Variants in ENPP3 observed in about 807,000 individuals in gnomAD.
ENPP3 encodes ectonucleotide pyrophosphatase/phosphodiesterase family member 3.
In ENPP3, 104 loss-of-function variants were observed where a neutral mutation model predicts 117.8. The ratio of observed to expected loss-of-function variants is 0.88; its 90% confidence interval spans 0.75 to 1.04. The LOEUF (loss-of-function observed/expected upper bound fraction) is 1.04, where lower values mean the gene tolerates loss of function less well. Ranked by LOEUF, ENPP3 falls within the 50% of genes least tolerant of loss-of-function variation. The pLI is 0.00. For synonymous variants in ENPP3, 380 were observed against 349.9 expected (o/e 1.09, Z -0.96); for missense variants, 1,026 against 1,051.9 (o/e 0.98, Z 0.34).
At chr6:131,669,669 A>G (rs1778697787) in intron 6 of ENPP3, among the ~76,000 whole-genome samples, 2 of 148,760 alleles carry the variant, frequency 1.3e-5, no homozygotes, top group African/African-American at 5.0e-5. Context: ...AAAAAAAAAA[A>G]AAAAAAAAAA....
At chr6:131,693,732 A>G in intron 15 of ENPP3, 108 bp downstream of exon 15, 1 of 1,164,694 alleles carries the variant, frequency 8.6e-7, no homozygotes, top group Non-Finnish European at 1.2e-6. Context: ...TTTCCTGAGC[A>G]TTGACATTTT....
intron 21 of ENPP3, 74 bp downstream of exon 21, chr6:131,733,797 A>G: frequency 6.7e-7 from 1 of 1,483,108 alleles, no homozygotes; most frequent in Non-Finnish European, 9.3e-7. Flanking sequence ...TGCCTTAAAC[A>G]TATACTCCCC....
intron 15 of ENPP3, among the ~76,000 whole-genome samples, chr6:131,705,929 G>A (rs1215523756): frequency 1.5e-5 from 2 of 136,452 alleles, no homozygotes; most frequent in Non-Finnish European, 3.0e-5. Context: ...TGGGATTGCT[G>A]CTGTAAACAA....
At chr6:131,650,181 G>A (rs779998175) in intron 3 of ENPP3, 32 bp downstream of exon 3, 1 of 1,612,206 alleles carries the variant, frequency 6.2e-7, no homozygotes. Context: ...TTATTAGCAT[G>A]TTGCTTGTGT....
intron 14 of ENPP3, among the ~76,000 whole-genome samples, chr6:131,690,598 G>A (rs988652436): frequency 2.0e-5 from 3 of 152,180 alleles, no homozygotes; most frequent in Admixed American, 1.3e-4. Context: ...GTCTGGAAGT[G>A]AGTTCAAAAT....
At chr6:131,709,808 C>T (rs765562745) in intron 15 of ENPP3, 9 of 1,611,922 alleles carry the variant, frequency 5.6e-6, no homozygotes, top group Admixed American at 3.3e-5. Flanking sequence ...TTTTCCTCCA[C>T]TGTTAATTTC....
chr6:131,679,833 T>C (rs2114407635), intron 11 of ENPP3, among the ~76,000 whole-genome samples: 1 of 152,246 alleles, frequency 6.6e-6, no homozygotes, highest in Admixed American at 6.5e-5. Flanking sequence ...ATGGTAAGAA[T>C]AATAGTAGCA....
chr6:131,641,344 C>A, intron 1 of ENPP3, 111 bp from the exon 2 acceptor site: 2 of 588,338 alleles, frequency 3.4e-6, no homozygotes, highest in Admixed American at 2.4e-5. Flanking sequence ...TGGTATCTGG[C>A]ATAACTAGTA....
chr6:131,640,666 A>C (rs932467343), intron 1 of ENPP3, among the ~76,000 whole-genome samples: 10 of 152,222 alleles, frequency 6.6e-5, no homozygotes, highest in Non-Finnish European at 7.3e-5. Context: ...ATACTTTCCT[A>C]AGTAATTTGA....
Position 131,652,539 on chromosome 6 carries a change from C to T in ENPP3, c.278-3C>T, listed in dbSNP as rs1678347769. The stretch of plus-strand genomic sequence containing the variant: ...CTCAGAACTGAATTGTATCGTTTTA[C>T]AGCTCGAATATGGATGTGCAATAAA... On this transcript the variant is annotated splice_region_variant and splice_polypyrimidine_tract_variant and intron_variant, in intron 3 of 24. Transcript: ENST00000357639. 6.2e-7 allele frequency: 1 copy of T among 1,613,856 alleles called. No homozygotes were observed. The highest frequency in any genetic ancestry group is 8.5e-7 in the Non-Finnish European group (1 of 1,179,806).
chr6:131,699,147 A>C (rs1480068391), intron 15 of ENPP3, among the ~76,000 whole-genome samples: 1 of 143,514 alleles, frequency 7.0e-6, no homozygotes, highest in East Asian at 2.1e-4. Flanking sequence ...CTGAGGCAGG[A>C]GAATTGTTTC....
intron 14 of ENPP3, among the ~76,000 whole-genome samples, chr6:131,693,105 A>C (rs927264716): frequency 2.7e-5 from 4 of 145,986 alleles, no homozygotes; most frequent in African/African-American, 1.0e-4. Context: ...TATATATTAT[A>C]TATATGGTTA....
intron 23 of ENPP3, among the ~76,000 whole-genome samples, chr6:131,739,658 A>G (rs1194666956): frequency 7.8e-6 from 1 of 128,598 alleles, no homozygotes; most frequent in Non-Finnish European, 1.5e-5. Flanking sequence ...CCAAGCTTGG[A>G]CTTCTACTGT....
At chr6:131,746,325 A>G (rs914457564) in intron 24 of ENPP3, among the ~76,000 whole-genome samples, 1 of 152,156 alleles carries the variant, frequency 6.6e-6, no homozygotes. Flanking sequence ...ATATATCACT[A>G]TAGATTACAA....
At chr6:131,693,210 TCTATGGC>T (rs951158047) in intron 14 of ENPP3, among the ~76,000 whole-genome samples, 6 of 151,234 alleles carry the variant, frequency 4.0e-5, no homozygotes, top group African/African-American at 1.5e-4. Context: ...AGAGTCTCAC[TCTATGGC>T]CCAGGCTGGA....
Position 131,718,652 on chromosome 6 carries a change from A to G in ENPP3, c.1413-20A>G. ...ATATCAATATATTGATCAGTGTGTA[A>G]TAATATTTTTTCTTTATAGGAGTAA... On this transcript the variant is annotated intron_variant, in intron 15 of 24. Transcript: ENST00000357639. The G allele has an allele frequency of 1.5e-6, 2 of 1,328,396 alleles. No homozygotes were observed. Among genetic ancestry groups the G allele is most frequent in the Non-Finnish European group, 2.2e-6 (2 of 924,438 alleles). 82.3% of individuals were successfully genotyped at this position (1,328,396 alleles called of 1,614,324 possible).
Position 131,732,537 on chromosome 6 carries a change from C to G in ENPP3, c.1954-1051C>G, listed in dbSNP as rs3850250. On this transcript the variant is annotated intron_variant, in intron 20 of 24. Coordinates refer to ENST00000357639, the MANE Select transcript of ENPP3 (RefSeq NM_005021.5). Reference sequence around the variant, plus strand: ...AAGCAATTCTCATGCCTCAGCCTCCCGAGTAGCTGGGATTACAGGCACCCA... The same window carrying G: ...AAGCAATTCTCATGCCTCAGCCTCCGGAGTAGCTGGGATTACAGGCACCCA... Among the ~76,000 whole-genome samples, 15 of 151,320 alleles carry G rather than the reference C, an allele frequency of 9.9e-5. No homozygotes were observed. In the East Asian group the frequency reaches 2.7e-3, roughly 28 times the overall value.
chr6:131,677,145 A>G (rs1426952516), intron 10 of ENPP3, among the ~76,000 whole-genome samples: 2 of 152,150 alleles, frequency 1.3e-5, no homozygotes, highest in Admixed American at 6.5e-5. Flanking sequence ...CTGAGGTGGA[A>G]TGATCACTTG....
At chr6:131,736,524 T>C (rs951447045) in intron 21 of ENPP3, among the ~76,000 whole-genome samples, 3 of 152,096 alleles carry the variant, frequency 2.0e-5, no homozygotes, top group African/African-American at 7.2e-5. Context: ...GCCCCCATGA[T>C]TCAATTACCT....
Sources: allele counts gnomAD v4.1 joint callset (sites outside exome capture counted in the v4.1 genomes callset), GRCh38; gene constraint gnomAD v4.1.1; transcripts MANE v1.5; gene names NCBI Gene and HGNC (gene_info 2026-07-23, HGNC 2026-07-21).